Variants in IMMP2L observed in about 807,000 individuals in gnomAD.
The protein encoded by IMMP2L is inner mitochondrial membrane peptidase subunit 2.
IMMP2L carries 18 observed loss-of-function variants against 19.3 expected under a neutral mutation model. The observed-to-expected ratio is 0.93, with a 90% CI of 0.64 to 1.38. The LOEUF (loss-of-function observed/expected upper bound fraction) is 1.38, where lower values mean the gene tolerates loss of function less well. Among genes scored for constraint, IMMP2L ranks in the 40% most tolerant of loss-of-function variants. The pLI, the probability that IMMP2L is intolerant of heterozygous loss-of-function variation, is 0.00. For missense variants in IMMP2L, 233 were observed against 218.2 expected, an observed-to-expected ratio of 1.07 and a Z score of -0.43; for synonymous variants, 76 against 73.0, an observed-to-expected ratio of 1.04 and a Z score of -0.21.
intron 3 of IMMP2L, among the ~76,000 whole-genome samples, chr7:111,468,908 AG>A (rs1840942286): frequency 6.6e-6 from 1 of 152,114 alleles, no homozygotes; most frequent in Admixed American, 6.5e-5. Context: ...AATAGTAACC[AG>A]AAGAAGAAAA....
intron 3 of IMMP2L, among the ~76,000 whole-genome samples, chr7:111,085,041 C>T (rs1796197831): frequency 6.6e-6 from 1 of 151,824 alleles, no homozygotes; most frequent in Non-Finnish European, 1.5e-5. Context: ...TGGAGAGAGA[C>T]ATAGAGAAAA....
In IMMP2L at chr7:111,106,924, ATT is replaced by A. The variant is rs1798613200; in HGVS notation, c.240-143361_240-143360del. Among the ~76,000 whole-genome samples, 3 of 151,884 alleles carry A rather than the reference ATT, an allele frequency of 2.0e-5. 1 individual carries two copies. Among genetic ancestry groups the A allele is most frequent in the Admixed American group, 1.3e-4 (2 of 15,204 alleles). ...TCATTCAATAGTACCATGCAGAATG[ATT>A]TGCTTAATAGCATTTCTAATATGTT... On this transcript the variant is annotated intron_variant, in intron 3 of 5. Transcript: ENST00000405709.
chr7:111,200,708 A>C (rs1810009692), intron 3 of IMMP2L, among the ~76,000 whole-genome samples: 1 of 152,164 alleles, frequency 6.6e-6, no homozygotes, highest in Non-Finnish European at 1.5e-5. Flanking sequence ...AATTTAGAGC[A>C]ATAATGGGAC....
chr7:111,033,326 G>A (rs1378108391), intron 3 of IMMP2L, among the ~76,000 whole-genome samples: 1 of 152,140 alleles, frequency 6.6e-6, no homozygotes, highest in Non-Finnish European at 1.5e-5. Flanking sequence ...TACAGCAAAT[G>A]CTGACAAAGA....
chr7:111,016,163 CATCTT>C (rs886920423), intron 3 of IMMP2L, among the ~76,000 whole-genome samples: 2 of 151,696 alleles, frequency 1.3e-5, no homozygotes, highest in East Asian at 1.9e-4. Flanking sequence ...GATGTTTTGA[CATCTT>C]ATCTCAACAT....
chr7:111,403,654 A>G (rs1006715572), intron 3 of IMMP2L, among the ~76,000 whole-genome samples: 2 of 152,152 alleles, frequency 1.3e-5, no homozygotes, highest in African/African-American at 4.8e-5. Flanking sequence ...GAAGAATCAC[A>G]GGAAAAAAGT....
At chr7:110,952,286 AC>A (rs1295652034) in intron 4 of IMMP2L, among the ~76,000 whole-genome samples, 2 of 152,148 alleles carry the variant, frequency 1.3e-5, no homozygotes, top group Non-Finnish European at 2.9e-5. Flanking sequence ...AGGCTAATTA[AC>A]CCATTTATGC....
chr7:111,323,444 C>T (rs547589111), intron 3 of IMMP2L, among the ~76,000 whole-genome samples: 9 of 152,050 alleles, frequency 5.9e-5, no homozygotes, highest in Admixed American at 2.6e-4. Flanking sequence ...CAATGAGATA[C>T]CATCTCACAC....
At chr7:111,523,198 C>T (rs2132696695) in intron 1 of IMMP2L, among the ~76,000 whole-genome samples, 1 of 151,966 alleles carries the variant, frequency 6.6e-6, no homozygotes, top group East Asian at 1.9e-4. Context: ...CATTTCAGGA[C>T]ATCTATTGTT....
intron 3 of IMMP2L, among the ~76,000 whole-genome samples, chr7:111,047,810 AAGAC>A (rs1247916205): frequency 2.6e-5 from 4 of 152,314 alleles, no homozygotes; most frequent in Admixed American, 1.3e-4. Context: ...ACTGGGACCA[AAGAC>A]AGACAGCCAC....
At chr7:111,023,722 C>G (rs991661268) in intron 3 of IMMP2L, among the ~76,000 whole-genome samples, 1 of 151,894 alleles carries the variant, frequency 6.6e-6, no homozygotes, top group Non-Finnish European at 1.5e-5. Context: ...CAAAACAAAA[C>G]AAAACAAAAA....
intron 3 of IMMP2L, among the ~76,000 whole-genome samples, chr7:111,071,483 A>C (rs1423446459): frequency 6.6e-6 from 1 of 152,200 alleles, no homozygotes; most frequent in Non-Finnish European, 1.5e-5. Flanking sequence ...CATGAAAAAA[A>C]GAAACAAATA....
intron 3 of IMMP2L, among the ~76,000 whole-genome samples, chr7:111,058,852 T>G (rs1326033595): frequency 6.6e-6 from 1 of 152,356 alleles, no homozygotes; most frequent in East Asian, 1.9e-4. Context: ...AAAATGGAGC[T>G]GAAAACTAAA....
At chr7:111,326,730 C>G (rs1294668428) in intron 3 of IMMP2L, among the ~76,000 whole-genome samples, 2 of 151,770 alleles carry the variant, frequency 1.3e-5, no homozygotes. Flanking sequence ...AAACTGGAAC[C>G]CTTATGCACT....
At chr7:111,445,193 G>A (rs887438841) in intron 3 of IMMP2L, among the ~76,000 whole-genome samples, 3 of 151,678 alleles carry the variant, frequency 2.0e-5, no homozygotes, top group East Asian at 3.9e-4. Context: ...AAAAAAAGTC[G>A]TGCTCTTACA....
At chr7:110,844,275 T>C (rs952316529) in intron 5 of IMMP2L, among the ~76,000 whole-genome samples, 5 of 152,184 alleles carry the variant, frequency 3.3e-5, no homozygotes, top group South Asian at 2.1e-4. Flanking sequence ...ATAAATATGG[T>C]TTATCACAGG....
intron 3 of IMMP2L, among the ~76,000 whole-genome samples, chr7:111,079,513 T>C (rs888331292): frequency 1.1e-4 from 16 of 152,224 alleles, no homozygotes; most frequent in African/African-American, 3.1e-4. Context: ...GAATTTTATC[T>C]ACCCTAGGAA....
At chr7:110,937,011 CA>C (rs767240222) in intron 4 of IMMP2L, among the ~76,000 whole-genome samples, 8 of 152,128 alleles carry the variant, frequency 5.3e-5, no homozygotes, top group Middle Eastern at 3.4e-3. Flanking sequence ...AATGAGAACA[CA>C]TGAACAAACG....
intron 3 of IMMP2L, among the ~76,000 whole-genome samples, chr7:111,235,220 C>T (rs564719694): frequency 1.3e-5 from 2 of 152,132 alleles, no homozygotes; most frequent in East Asian, 1.9e-4. Flanking sequence ...GCCTGTAATA[C>T]CAGCACTTTG....
Sources: gnomAD v4.1 joint callset for allele counts (sites outside exome capture counted in the v4.1 genomes callset) on GRCh38, gnomAD v4.1.1 for gene constraint, MANE v1.5 for transcripts, NCBI Gene and HGNC (gene_info 2026-07-23, HGNC 2026-07-21) for gene names.